The following FUT9 variants were observed in gnomAD, a reference collection of about 807,000 sequenced individuals.
FUT9 encodes the protein 4-galactosyl-N-acetylglucosaminide 3-alpha-L-fucosyltransferase 9.
In FUT9, 15 loss-of-function variants were observed where a neutral mutation model predicts 29.7. The observed-to-expected ratio is 0.51, with a 90% confidence interval of 0.34 to 0.78. The LOEUF (loss-of-function observed/expected upper bound fraction) is 0.78. Ranked by LOEUF, FUT9 falls within the 30% of genes least tolerant of loss-of-function variation. The pLI is 0.01. For missense variants in FUT9, 319 were observed against 425.4 expected, an observed-to-expected ratio of 0.75 and a Z score of 2.20; for synonymous variants, 169 against 153.7, an observed-to-expected ratio of 1.10 and a Z score of -0.74.
At chr6:96,039,020 C>A (rs1770409562) in intron 1 of FUT9, among the ~76,000 whole-genome samples, 2 of 152,172 alleles carry the variant, frequency 1.3e-5, no homozygotes, top group Non-Finnish European at 2.9e-5. Flanking sequence ...AATATTTCTA[C>A]CTTAGCACTT....
intron 1 of FUT9, among the ~76,000 whole-genome samples, chr6:96,088,443 T>C (rs990109864): frequency 1.3e-4 from 20 of 152,142 alleles, no homozygotes; most frequent in Admixed American, 1.2e-3. Flanking sequence ...ACTTTTGTCT[T>C]CTTTCTCCCA....
intron 1 of FUT9, among the ~76,000 whole-genome samples, chr6:96,078,212 A>G (rs1771171780): frequency 6.6e-6 from 1 of 151,238 alleles, no homozygotes. Context: ...TGTTTTTCAA[A>G]TTTTCTACTG....
intron 1 of FUT9, among the ~76,000 whole-genome samples, chr6:96,085,018 T>G: frequency 6.6e-6 from 1 of 152,198 alleles, no homozygotes; most frequent in Non-Finnish European, 1.5e-5. Flanking sequence ...ATGTATGTAT[T>G]TCCCAGTTTG....
chr6:96,184,480 T>C (rs551528748), intron 2 of FUT9, among the ~76,000 whole-genome samples: 1 of 152,196 alleles, frequency 6.6e-6, no homozygotes, highest in Non-Finnish European at 1.5e-5. Flanking sequence ...GGTTATTTCC[T>C]TTCTTCTTCT....
At chr6:96,128,469 C>G (rs542445535) in intron 2 of FUT9, among the ~76,000 whole-genome samples, 9 of 152,246 alleles carry the variant, frequency 5.9e-5, no homozygotes, top group African/African-American at 2.2e-4. Context: ...TTAAATAGTT[C>G]ATAACATTCA....
intron 2 of FUT9, among the ~76,000 whole-genome samples, chr6:96,194,195 A>G (rs1306097221): frequency 6.6e-6 from 1 of 152,226 alleles, no homozygotes; most frequent in Non-Finnish European, 1.5e-5. Context: ...TAGAACTTAA[A>G]GTATAATAAT....
At chr6:96,188,924 G>A (rs953493261) in intron 2 of FUT9, among the ~76,000 whole-genome samples, 2 of 151,904 alleles carry the variant, frequency 1.3e-5, no homozygotes, top group South Asian at 2.1e-4. Flanking sequence ...GAGTAAAAAC[G>A]CCCAATCTTT....
Position 96,087,278 on chromosome 6 carries a change from T to G in FUT9, c.-97-26761T>G, listed in dbSNP as rs137893799. Reference sequence around the variant, plus strand: ...CAGATTTGTGGTGTATATTTTTAACTTATCATAGTCTACCTCCAAGTAACA... The same window carrying G: ...CAGATTTGTGGTGTATATTTTTAACGTATCATAGTCTACCTCCAAGTAACA... On this transcript the variant is annotated intron_variant, in intron 1 of 2. Transcript: ENST00000302103. 6.0e-4 allele frequency among the ~76,000 whole-genome samples: 91 copies of G among 152,204 alleles called. 1 individual carries two copies. Among genetic ancestry groups the G allele is most frequent in the African/African-American group, 2.0e-3 (85 of 41,552 alleles).
At chr6:96,197,247 G>A (rs780058511) in intron 2 of FUT9, among the ~76,000 whole-genome samples, 5 of 152,194 alleles carry the variant, frequency 3.3e-5, no homozygotes, top group African/African-American at 4.8e-5. Context: ...TTACCAGAGA[G>A]AGTTCTGAGG....
chr6:96,039,864 G>T, intron 1 of FUT9, among the ~76,000 whole-genome samples: 1 of 151,958 alleles, frequency 6.6e-6, no homozygotes, highest in Non-Finnish European at 1.5e-5. Flanking sequence ...TTCCATGTGG[G>T]GTTTTCTTAT....
chr6:96,155,148 T>C (rs1340884927), intron 2 of FUT9, among the ~76,000 whole-genome samples: 1 of 152,200 alleles, frequency 6.6e-6, no homozygotes, highest in Non-Finnish European at 1.5e-5. Context: ...TGCCTTTTTT[T>C]GAATGCTCTT....
At chr6:96,165,795 T>C (rs1773005276) in intron 2 of FUT9, among the ~76,000 whole-genome samples, 1 of 152,082 alleles carries the variant, frequency 6.6e-6, no homozygotes, top group Non-Finnish European at 1.5e-5. Context: ...TTTGTATTTT[T>C]AGTCGAGACG....
chr6:96,138,050 C>T (rs1262744847), intron 2 of FUT9, among the ~76,000 whole-genome samples: 4 of 152,054 alleles, frequency 2.6e-5, no homozygotes, highest in Non-Finnish European at 4.4e-5. Flanking sequence ...TGGATTGTTC[C>T]ATGTTTATTA....
chr6:96,118,790 A>G (rs1455758716), intron 2 of FUT9, among the ~76,000 whole-genome samples: 1 of 152,170 alleles, frequency 6.6e-6, no homozygotes, highest in Non-Finnish European at 1.5e-5. Flanking sequence ...ATGGAGGTAG[A>G]AGACAGTGAT....
intron 1 of FUT9, among the ~76,000 whole-genome samples, chr6:96,038,573 C>A (rs1423629153): frequency 6.6e-6 from 1 of 152,126 alleles, no homozygotes; most frequent in African/African-American, 2.4e-5. Flanking sequence ...AAAAGCAGTT[C>A]TCTTCCAGAA....
Position 96,078,405 on chromosome 6 carries a change from C to CTGATTTTTTTT in FUT9, c.-97-35633_-97-35632insGATTTTTTTTT, listed in dbSNP as rs1201729276. 7.5e-4 allele frequency among the ~76,000 whole-genome samples: 34 copies of CTGATTTTTTTT among 45,206 alleles called. 1 individual carries two copies. Among genetic ancestry groups the CTGATTTTTTTT allele is most frequent in the South Asian group, 3.8e-3 (5 of 1,330 alleles). The allele number at this position is 45,206 out of a possible 152,430, so 29.7% of individuals were successfully genotyped here. A position where few individuals can be genotyped will look rare whatever the true frequency, so the allele number is the denominator to read the frequency against. On this transcript the variant is annotated intron_variant, in intron 1 of 2. Coordinates refer to ENST00000302103, the MANE Select transcript of FUT9 (RefSeq NM_006581.4). The stretch of plus-strand genomic sequence containing the variant: ...TTTGATCTCTTTCTTTCATATTAGT[C>CTGATTTTTTTT]TTCTTTTTTTTTTTTTTTTTTTTTT...
Position 96,203,935 on chromosome 6 carries a change from T to A in FUT9, c.780T>A (p.Ala260=). 1 of 1,613,332 alleles carries A rather than the reference T, an allele frequency of 6.2e-7. No individual in the cohort carries two copies. The highest frequency in any genetic ancestry group is 1.7e-4 in the Middle Eastern group (1 of 6,056). Residue 260 remains alanine, a synonymous_variant, in exon 3 of 3, where the codon GCT becomes GCA. Coordinates refer to ENST00000302103, the MANE Select transcript of FUT9 (RefSeq NM_006581.4). ...KDYITEKLYN[A]FLAGSVPVVL... ...ACATCACGGAAAAGCTATACAATGC[T>A]TTTCTGGCTGGCTCTGTACCTGTTG...
At chr6:96,190,410 T>C (rs549150658) in intron 2 of FUT9, among the ~76,000 whole-genome samples, 14 of 152,232 alleles carry the variant, frequency 9.2e-5, no homozygotes, top group African/African-American at 3.4e-4. Context: ...TTGAGGAGTA[T>C]CTTTGTGGCA....
intron 1 of FUT9, among the ~76,000 whole-genome samples, chr6:96,041,986 T>C (rs1770469502): frequency 6.6e-6 from 1 of 152,234 alleles, no homozygotes; most frequent in Admixed American, 6.5e-5. Context: ...TCCTGAACTT[T>C]ATCATCAAAT....
Sources: gnomAD v4.1 joint callset for allele counts (sites outside exome capture counted in the v4.1 genomes callset) on GRCh38, gnomAD v4.1.1 for gene constraint, MANE v1.5 for transcripts, NCBI Gene and HGNC (gene_info 2026-07-23, HGNC 2026-07-21) for gene names.